Variants in AHNAK observed in about 807,000 individuals in gnomAD.
AHNAK encodes the protein neuroblast differentiation-associated protein AHNAK.
A neutral mutation model predicts 37.8 loss-of-function variants in AHNAK; 23 were observed. The observed-to-expected ratio is 0.61, with a 90% confidence interval of 0.44 to 0.86. The LOEUF (loss-of-function observed/expected upper bound fraction) is 0.86, where lower values mean the gene tolerates loss of function less well. Among genes scored for constraint, AHNAK ranks in the 40% least tolerant of loss-of-function variants. AHNAK has a pLI of 0.00. For missense variants in AHNAK, 7,411 were observed against 7,319.4 expected (o/e 1.01, Z -0.46); for synonymous variants, 2,481 against 2,636.3 (o/e 0.94, Z 1.80).
intron 5 of AHNAK, among the ~76,000 whole-genome samples, chr11:62,490,108 AC>A (rs1487539312): frequency 6.6e-6 from 1 of 152,004 alleles, no homozygotes; most frequent in African/African-American, 2.4e-5. Flanking sequence ...CAGGAATGGA[AC>A]AGGCAATGCT....
chr11:62,484,635 T>C (rs1939351729), intron 5 of AHNAK, among the ~76,000 whole-genome samples: 1 of 151,846 alleles, frequency 6.6e-6, no homozygotes, highest in Non-Finnish European at 1.5e-5. Flanking sequence ...GAGGAAAAGA[T>C]GGGGTCTGAA....
chr11:62,537,604 G>C (rs1940991503), intron 1 of AHNAK: 1 of 152,048 alleles, frequency 6.6e-6, no homozygotes, highest in African/African-American at 2.4e-5. Context: ...CACAGACAGA[G>C]ACTGAGTCTC....
intron 5 of AHNAK, among the ~76,000 whole-genome samples, chr11:62,463,457 T>TCCTCCAG (rs11280639): frequency 0.38 from 57,799 of 150,584 alleles, 12,942 homozygotes; most frequent in South Asian, 0.68. Flanking sequence ...CTCTCCTCCA[T>TCCTCCAG]CCTCCAGCCT....
At chr11:62,452,406 C>T (rs1938559917) in intron 5 of AHNAK, among the ~76,000 whole-genome samples, 1 of 152,156 alleles carries the variant, frequency 6.6e-6, no homozygotes, top group African/African-American at 2.4e-5. Context: ...GCATTGTCTG[C>T]AGAGAGGGTC....
At chr11:62,499,613 C>T (rs372374298) in intron 4 of AHNAK, among the ~76,000 whole-genome samples, 1 of 152,304 alleles carries the variant, frequency 6.6e-6, no homozygotes, top group South Asian at 2.1e-4. Flanking sequence ...CCTAGCCACT[C>T]CTCCATCTCC....
rs1480814816 is a variant in AHNAK at position 62,525,789 on chromosome 11, C to T, written c.8628G>A (p.Val2876=). 5.0e-6 allele frequency: 8 copies of T among 1,613,376 alleles called. No individual in the cohort carries two copies. The highest frequency in any genetic ancestry group is 6.8e-6 in the Non-Finnish European group (8 of 1,179,916). Residue 2876 remains valine (V), a synonymous_variant, in exon 5 of 5, where the codon GTG becomes GTA. Transcript: ENST00000378024. ...CATTAACATCTGGGACATCAATGTC[C>T]ACTTTGGGGCCTTTGAGGTCAACTT... ...GPEVDLKGPK[V]DIDVPDVNVQ... is the part of the protein sequence containing the mutation.
rs1258937016 is a variant in AHNAK, at chr11:62,528,970, T to C, written c.5447A>G (p.Asp1816Gly). 6.2e-7 allele frequency: 1 copy of C among 1,614,114 alleles called. No homozygotes were observed. The highest frequency in any genetic ancestry group is 1.7e-5 in the Admixed American group (1 of 60,010). The change falls in exon 5 of 5, where the codon GAT becomes GGT. Residue 1816 changes from aspartate (D) to glycine (G), a missense_variant. Physicochemically the swap from Asp to Gly is moderately conservative, Grantham distance 94. Transcript: ENST00000378024. Reference sequence around the variant, plus strand: ...CGCTTCCACAAAAGGACCTTTGACATCAACTTGCGGCCCTCTGAGATCACC... The same window carrying C: ...CGCTTCCACAAAAGGACCTTTGACACCAACTTGCGGCCCTCTGAGATCACC... ...LEGDLRGPQV[D>G]VKGPFVEAEV...
intron 5 of AHNAK, among the ~76,000 whole-genome samples, chr11:62,471,141 C>G (rs1284931464): frequency 1.3e-5 from 2 of 152,188 alleles, no homozygotes; most frequent in Non-Finnish European, 2.9e-5. Context: ...GAGTCTTTTT[C>G]TGACTGCAAA....
At chr11:62,539,822 T>C (rs1941068829) in intron 1 of AHNAK, among the ~76,000 whole-genome samples, 1 of 152,256 alleles carries the variant, frequency 6.6e-6, no homozygotes, top group Non-Finnish European at 1.5e-5. Flanking sequence ...CTGCTCTGGC[T>C]GTGGCCCTGC....
At chr11:62,489,547 T>C (rs552679920) in intron 5 of AHNAK, among the ~76,000 whole-genome samples, 2 of 152,140 alleles carry the variant, frequency 1.3e-5, no homozygotes, top group Non-Finnish European at 2.9e-5. Flanking sequence ...TAGGAGGCGA[T>C]TGTAGCAAAT....
rs771749825 is a variant in AHNAK at position 62,522,344 on chromosome 11, T to C, written c.12073A>G (p.Lys4025Glu). ...GGGGCCTTTAGATCACCTTCCATCT[T>C]AGGCAGAGAAACATCCACATCTCCT... ...VKGDVDVSLP[K>E]MEGDLKAPEV... The change falls in exon 5 of 5, where the codon AAG becomes GAG. Residue 4025 changes from lysine to glutamate, a missense_variant. Coordinates refer to ENST00000378024, the MANE Select transcript of AHNAK (RefSeq NM_001620.3). The C allele has an allele frequency of 6.8e-6, 11 of 1,613,678 alleles. No individual in the cohort carries two copies. The highest frequency in any genetic ancestry group is 8.5e-6 in the Non-Finnish European group (10 of 1,179,932).
intron 4 of AHNAK, among the ~76,000 whole-genome samples, chr11:62,495,016 A>AG (rs1939580931): frequency 6.6e-6 from 1 of 151,548 alleles, no homozygotes; most frequent in African/African-American, 2.4e-5. Flanking sequence ...AAAAAAAAAA[A>AG]GTAGCCAGGC....
At chr11:62,505,473 AG>A (rs1424538156) in intron 4 of AHNAK, among the ~76,000 whole-genome samples, 1 of 152,022 alleles carries the variant, frequency 6.6e-6, no homozygotes, top group Non-Finnish European at 1.5e-5. Flanking sequence ...GGTTGGAGCA[AG>A]GGACCTTGCC....
intron 5 of AHNAK, among the ~76,000 whole-genome samples, chr11:62,484,128 A>G (rs1324529197): frequency 6.6e-6 from 1 of 151,782 alleles, no homozygotes; most frequent in Non-Finnish European, 1.5e-5. Flanking sequence ...CATAATCCCA[A>G]TGCTTTGGGA....
intron 5 of AHNAK, among the ~76,000 whole-genome samples, chr11:62,454,305 C>G (rs1938606340): frequency 6.7e-6 from 1 of 149,804 alleles, no homozygotes; most frequent in South Asian, 2.1e-4. Flanking sequence ...CCCAGCTACC[C>G]GGGAGGCCGA....
At position 62,526,564 on chromosome 11, in the gene AHNAK, G is replaced by T. The variant is rs754817549; in HGVS notation, c.7853C>A (p.Pro2618His). 1 of 1,611,400 alleles carries T rather than the reference G, an allele frequency of 6.2e-7. No individual in the cohort carries two copies. The highest frequency in any genetic ancestry group is 1.7e-5 in the Admixed American group (1 of 59,608). The change falls in exon 5 of 5, where the codon CCC (proline) becomes CAC (histidine). Residue 2618 changes from proline (P) to histidine (H), a missense_variant. Transcript: ENST00000378024. ...ATCTGGGGCATTAATATCCACTTTG[G>T]GCCCCTTGATGTCAACTTCGGGGCC... Reference protein sequence around the residue: ...LKGPEVDIKGPKVDINAPDVG... With the variant: ...LKGPEVDIKGHKVDINAPDVG...
At chr11:62,449,152 C>T (rs909123136) in intron 5 of AHNAK, among the ~76,000 whole-genome samples, 3 of 152,134 alleles carry the variant, frequency 2.0e-5, no homozygotes, top group South Asian at 2.1e-4. Context: ...CTACAAGTAG[C>T]GTTTATTTTT....
intron 1 of AHNAK, 145 bp from the exon 2 acceptor site, chr11:62,536,712 T>C (rs1291021381): frequency 6.6e-6 from 1 of 152,344 alleles, no homozygotes; most frequent in African/African-American, 2.4e-5. Flanking sequence ...CACTCGTCCA[T>C]GACTCTCCAG....
rs61895404 is a variant in AHNAK, at chr11:62,524,481, A to T, written c.9936T>A (p.Asp3312Glu). 0.041 allele frequency: 66,850 copies of T among 1,614,090 alleles called. 1,676 individuals carry two copies. Among genetic ancestry groups the T allele is most frequent in the Non-Finnish European group, 0.048 (56,654 of 1,179,998 alleles). ...LKGSKLKGDV[D>E]VSGPKLEGDI... is the part of the protein sequence containing the mutation. The stretch of plus-strand genomic sequence containing the variant: ...CACCTTCCAACTTGGGCCCAGAGAC[A>T]TCAACATCTCCCTTAAGCTTTGAGC... The change falls in exon 5 of 5, where the codon GAT becomes GAA. Residue 3312 changes from aspartate (D) to glutamate (E), a missense_variant. Asp to Glu is a conservative substitution (Grantham distance 45). Transcript: ENST00000378024.
Sources: gnomAD v4.1 joint callset for allele counts (sites outside exome capture counted in the v4.1 genomes callset) on GRCh38, gnomAD v4.1.1 for gene constraint, MANE v1.5 for transcripts, NCBI Gene and HGNC (gene_info 2026-07-23, HGNC 2026-07-21) for gene names.